Variants in FADS2 observed in about 807,000 individuals in gnomAD.
The protein encoded by FADS2 is acyl-CoA 6-desaturase.
In FADS2, 18 loss-of-function variants were observed where a neutral mutation model predicts 61.2. The ratio of observed to expected loss-of-function variants is 0.29; its 90% CI spans 0.20 to 0.44. The LOEUF is 0.44. Ranked by LOEUF, FADS2 falls within the 20% of genes least tolerant of loss-of-function variation. The probability of loss-of-function intolerance (pLI) is 1.00; values close to 1 mark genes in which losing one functional copy is unlikely to be tolerated. For synonymous variants in FADS2, 203 were observed against 223.9 expected (o/e 0.91, Z 0.83); for missense variants, 322 against 572.7 (o/e 0.56, Z 4.47).
At position 61,816,897 on chromosome 11, in the gene FADS2, C is replaced by A; in HGVS notation, c.141+471C>A. 7.0e-7 allele frequency: 1 copy of A among 1,429,584 alleles called. No homozygotes were observed. The highest frequency in any genetic ancestry group is 9.1e-7 in the Non-Finnish European group (1 of 1,104,296). The allele number at this position is 1,429,584 out of a possible 1,614,324, so 88.6% of individuals were successfully genotyped here. A position where few individuals can be genotyped will look rare whatever the true frequency, so the allele number is the denominator to read the frequency against. On this transcript the variant is annotated intron_variant, in intron 1 of 11. Coordinates refer to the FADS2 transcript ENST00000257261. The surrounding 1 kb of genome is among the most constrained non-coding windows in gnomAD (Gnocchi z 7.0). Reference sequence around the variant, plus strand: ...GCGCCGGGTTTTCAGCACCGCAGGGCAGACCGGCGGGCCTCGCAGCGCGCG... The same window carrying A: ...GCGCCGGGTTTTCAGCACCGCAGGGAAGACCGGCGGGCCTCGCAGCGCGCG...
intron 1 of FADS2, among the ~76,000 whole-genome samples, chr11:61,820,164 A>G (rs1337984355): frequency 6.6e-6 from 1 of 151,664 alleles, no homozygotes; most frequent in Non-Finnish European, 1.5e-5. Context: ...AAACCAAAAA[A>G]CCCATACCAC....
chr11:61,860,834 G>GA (rs1190326508), intron 7 of FADS2, among the ~76,000 whole-genome samples: 1 of 152,190 alleles, frequency 6.6e-6, no homozygotes, highest in Non-Finnish European at 1.5e-5. Context: ...CTTGAGCCCA[G>GA]GAGTTTGAGG....
chr11:61,856,828 A>G (rs1038487015), intron 5 of FADS2, 183 bp from the exon 6 acceptor site: 34 of 613,932 alleles, frequency 5.5e-5, no homozygotes, highest in Non-Finnish European at 7.6e-5. Context: ...TGGCTGTAGC[A>G]TGGGGAGCCC....
In FADS2 at chr11:61,828,573, G is replaced by A. The variant is rs1591164142; in HGVS notation, c.183G>A (p.Gly61=). Residue 61 remains glycine, a synonymous_variant, in exon 1 of 12, where the codon GGG becomes GGA. Coordinates refer to ENST00000278840, the MANE Select transcript of FADS2 (RefSeq NM_004265.4). The surrounding 1 kb of genome is among the most constrained non-coding windows in gnomAD (Gnocchi z 6.4). ...ACCCGGGGGGCCAGCGGGTCATCGG[G>A]CACTACGCTGGAGAAGATGCAACGG... ...IQHPGGQRVI[G]HYAGEDATDA... is the part of the protein sequence containing the mutation. The A allele has an allele frequency of 1.2e-6, 2 of 1,613,890 alleles. No homozygotes were observed. Among genetic ancestry groups the A allele is most frequent in the East Asian group, 4.5e-5 (2 of 44,868 alleles).
intron 4 of FADS2, among the ~76,000 whole-genome samples, chr11:61,845,515 C>G (rs916368710): frequency 2.0e-5 from 3 of 151,958 alleles, no homozygotes; most frequent in African/African-American, 7.2e-5. Flanking sequence ...AAGAGAGGCC[C>G]GGTGCGGTGG....
Position 61,828,323 on chromosome 11 carries a change from C to A in FADS2, c.-68C>A. The A allele has an allele frequency of 6.6e-7, 1 of 1,523,548 alleles. No homozygotes were observed. The highest frequency in any genetic ancestry group is 1.3e-5 in the South Asian group (1 of 79,802). The allele number at this position is 1,523,548 out of a possible 1,614,324, so 94.4% of individuals were successfully genotyped here. Reference sequence around the variant, plus strand: ...GCTGCACACACCGGCTGGGAGGCAGCCGTCTGTGCAGCGAGCAGCCGGCGC... The same window carrying A: ...GCTGCACACACCGGCTGGGAGGCAGACGTCTGTGCAGCGAGCAGCCGGCGC... On this transcript the variant is annotated 5_prime_UTR_variant, in exon 1 of 12. Transcript: ENST00000278840. This position sits in a 1 kb window ranked among gnomAD's most constrained non-coding sequence, Gnocchi z 6.4.
intron 1 of FADS2, among the ~76,000 whole-genome samples, chr11:61,822,251 G>A (rs1168834626): frequency 6.6e-6 from 1 of 152,196 alleles, no homozygotes; most frequent in Non-Finnish European, 1.5e-5. Flanking sequence ...TTACAGGCGT[G>A]AGCCACCGCG....
chr11:61,853,797 G>A lies in FADS2; in HGVS notation c.745-3214G>A, dbSNP rs116094617. Among the ~76,000 whole-genome samples the A allele has an allele frequency of 5.7e-3, 867 of 152,284 alleles. 8 individuals carry two copies. The highest frequency in any genetic ancestry group is 0.02 in the African/African-American group (822 of 41,560). ...GCCGCCTGTTTCTCTCTGTGTGTGA[G>A]TTTGCAGGTTCCCAGAGGCAGAGAC... is the stretch of plus-strand genomic sequence containing the variant. On this transcript the variant is annotated intron_variant, in intron 5 of 11. Coordinates refer to ENST00000278840, the MANE Select transcript of FADS2 (RefSeq NM_004265.4).
rs145082635 is a variant in FADS2, at chr11:61,859,127, G to A, written c.882+1597G>A. On this transcript the variant is annotated intron_variant, in intron 7 of 11. Transcript: ENST00000278840. Reference sequence around the variant, plus strand: ...GGCTGGAGTACAATGGCGTGATCTCGGCTCACCGAAACCTCTGCCTCCTGG... The same window carrying A: ...GGCTGGAGTACAATGGCGTGATCTCAGCTCACCGAAACCTCTGCCTCCTGG... Among the ~76,000 whole-genome samples the A allele has an allele frequency of 7.0e-3, 1,069 of 152,076 alleles. 11 individuals carry two copies. The highest frequency in any genetic ancestry group is 0.022 in the African/African-American group (927 of 41,470).
Position 61,863,036 on chromosome 11 carries a change from T to C in FADS2, c.947T>C (p.Ile316Thr). 1 of 1,614,228 alleles carries C rather than the reference T, an allele frequency of 6.2e-7. No homozygotes were observed. The highest frequency in any genetic ancestry group is 8.5e-7 in the Non-Finnish European group (1 of 1,180,024). Residue 316 changes from isoleucine (I) to threonine (T), a missense_variant, in exon 8 of 12, where the codon ATC becomes ACC. This residue lies in a region of FADS2 where 221 missense variants were observed against 427.9 expected (regional missense o/e 0.52). Coordinates refer to ENST00000278840, the MANE Select transcript of FADS2 (RefSeq NM_004265.4). ...ATCACCTACATCCCTTTCTACGGCATCCTGGGAGCCCTCCTTTTCCTCAAC... is the reference window on the plus strand; with the variant it reads ...ATCACCTACATCCCTTTCTACGGCACCCTGGGAGCCCTCCTTTTCCTCAAC... ...FFITYIPFYGILGALLFLNFI... is the reference protein window; with the variant it reads ...FFITYIPFYGTLGALLFLNFI...
At chr11:61,821,423 T>C in intron 1 of FADS2, 2 of 702,096 alleles carry the variant, frequency 2.8e-6, no homozygotes, top group South Asian at 3.0e-5. Context: ...AATGAAGCCA[T>C]AATTGAATAA....
chr11:61,816,566 G>T lies in FADS2; in HGVS notation c.141+140G>T. On this transcript the variant is annotated intron_variant, in intron 1 of 11. Transcript: ENST00000257261. The surrounding 1 kb of genome is among the most constrained non-coding windows in gnomAD (Gnocchi z 7.0). ...CTGGCTGCGCTCACCGTGGCATCCT[G>T]CCCGGCGTAGTGGCTGATGACCCGG... The T allele has an allele frequency of 6.2e-7, 1 of 1,606,388 alleles. No homozygotes were observed.
At chr11:61,826,789 C>A (rs551217545), upstream of FADS2, among the ~76,000 whole-genome samples, 2 of 152,066 alleles carry the variant, frequency 1.3e-5, no homozygotes, top group East Asian at 1.9e-4. Flanking sequence ...AGCCCATCTG[C>A]CCCCCCAAGT....
At position 61,865,809 on chromosome 11, in the gene FADS2, C is replaced by G. The variant is rs1158989432; in HGVS notation, c.*120C>G. 1 of 774,096 alleles carries G rather than the reference C, an allele frequency of 1.3e-6. No homozygotes were observed. The highest frequency in any genetic ancestry group is 1.7e-5 in the African/African-American group (1 of 57,828). The allele number at this position is 774,096 out of a possible 1,614,324, so 48.0% of individuals were successfully genotyped here. ...TGGTGTATGCACTGCTCACGGACCC[C>G]ATGTTGGATCTTTCTCCCTTTCTCC... On this transcript the variant is annotated 3_prime_UTR_variant, in exon 12 of 12. Coordinates refer to ENST00000278840, the MANE Select transcript of FADS2 (RefSeq NM_004265.4). The surrounding 1 kb of genome is among the most constrained non-coding windows in gnomAD (Gnocchi z 4.1).
chr11:61,837,973 A>G, intron 2 of FADS2, 85 bp downstream of exon 2: 5 of 919,758 alleles, frequency 5.4e-6, no homozygotes, highest in Non-Finnish European at 8.7e-6. Context: ...TTGCCCCATG[A>G]CCAGTAACTG....
At chr11:61,828,032 T>C (rs943487856), upstream of FADS2, 23 of 1,148,366 alleles carry the variant, frequency 2.0e-5, no homozygotes, top group Non-Finnish European at 2.5e-5. The surrounding 1 kb of genome is among the most constrained non-coding windows in gnomAD (Gnocchi z 6.4). Flanking sequence ...CGGGAGGATG[T>C]GGAACCCGAG....
intron 7 of FADS2, among the ~76,000 whole-genome samples, chr11:61,859,588 T>A (rs753440533): frequency 2.0e-5 from 3 of 152,242 alleles, no homozygotes; most frequent in Non-Finnish European, 4.4e-5. Context: ...GGCTCCATCA[T>A]CCACCCAGTG....
chr11:61,826,158 C>G (rs2067083626), upstream of FADS2: 2 of 702,626 alleles, frequency 2.8e-6, no homozygotes, highest in Non-Finnish European at 5.2e-6. Flanking sequence ...CCCTTCCTAC[C>G]CCTTACTGAG....
At chr11:61,824,392 AAAAG>A (rs1461693871), upstream of FADS2, among the ~76,000 whole-genome samples, 2 of 98,768 alleles carry the variant, frequency 2.0e-5, no homozygotes, top group Non-Finnish European at 4.2e-5. Context: ...GGGGGAAAAA[AAAAG>A]AGAGAGAGAG....
Sources: gnomAD v4.1 joint callset for allele counts (sites outside exome capture counted in the v4.1 genomes callset) on GRCh38, gnomAD v4.1.1 for gene constraint, gnomAD v4.1.1 regional missense constraint, Gnocchi (gnomAD v3.1) non-coding constraint, MANE v1.5 for transcripts, NCBI Gene and HGNC (gene_info 2026-07-23, HGNC 2026-07-21) for gene names.